Variants in SLC7A1 observed in about 807,000 individuals in gnomAD.
SLC7A1 encodes solute carrier family 7 member 1, also known as high affinity cationic amino acid transporter 1.
SLC7A1 carries 10 observed loss-of-function variants against 53.9 expected under a neutral mutation model. The ratio of observed to expected loss-of-function variants is 0.19; its 90% CI spans 0.11 to 0.31. The LOEUF (loss-of-function observed/expected upper bound fraction) is 0.31, where lower values mean the gene tolerates loss of function less well. Among genes scored for constraint, SLC7A1 ranks in the 10% least tolerant of loss-of-function variants. SLC7A1 has a pLI of 1.00. For missense variants in SLC7A1, 525 were observed against 827.2 expected (o/e 0.63, Z 4.48); for synonymous variants, 342 against 338.7 (o/e 1.01, Z -0.11).
Position 29,514,464 on chromosome 13 carries a change from G to C in SLC7A1, c.*16C>G. 3 of 1,597,350 alleles carry C rather than the reference G, an allele frequency of 1.9e-6. No homozygotes were observed. Among genetic ancestry groups the C allele is most frequent in the Non-Finnish European group, 2.6e-6 (3 of 1,172,400 alleles). On this transcript the variant is annotated 3_prime_UTR_variant, in exon 13 of 13. Transcript: ENST00000380752. The stretch of plus-strand genomic sequence containing the variant: ...CCCTCGGGGCTGCTGCCACCTCCGG[G>C]GGGCGGGGCTGTGCGTCACTTGCAC...
chr13:29,581,345 G>C (rs1871636511), intron 1 of SLC7A1, among the ~76,000 whole-genome samples: 2 of 152,196 alleles, frequency 1.3e-5, no homozygotes, highest in Non-Finnish European at 1.5e-5. Flanking sequence ...CATCTACTTT[G>C]CTCTCTTCTT....
chr13:29,595,569 G>C lies in SLC7A1; in HGVS notation c.-268C>G, dbSNP rs1209018781. The C allele has an allele frequency of 6.6e-6, 1 of 150,760 alleles. No individual in the cohort carries two copies. The highest frequency in any genetic ancestry group is 1.5e-5 in the Non-Finnish European group (1 of 67,726). 9.3% of individuals were successfully genotyped at this position (150,760 alleles called of 1,614,324 possible). On this transcript the variant is annotated 5_prime_UTR_variant, in exon 1 of 13. Transcript: ENST00000380752. ...GAGAGGAGTGGAGGCTGCGGTTAGCGGGAGCCCGCGGCCGCGTGCGCGCCT... is the reference window on the plus strand; with the variant it reads ...GAGAGGAGTGGAGGCTGCGGTTAGCCGGAGCCCGCGGCCGCGTGCGCGCCT...
At chr13:29,532,321 A>T (rs1202869558) in intron 4 of SLC7A1, among the ~76,000 whole-genome samples, 1 of 152,206 alleles carries the variant, frequency 6.6e-6, no homozygotes, top group African/African-American at 2.4e-5. Context: ...CAACTCTGTC[A>T]TGAAACTTAT....
At chr13:29,571,070 G>A (rs1871170538) in intron 1 of SLC7A1, among the ~76,000 whole-genome samples, 2 of 152,180 alleles carry the variant, frequency 1.3e-5, no homozygotes, top group African/African-American at 2.4e-5. Context: ...GTGCTGTGAA[G>A]ATTAAGTACC....
intron 1 of SLC7A1, among the ~76,000 whole-genome samples, chr13:29,581,545 C>T (rs2139183403): frequency 6.6e-6 from 1 of 152,314 alleles, no homozygotes; most frequent in South Asian, 2.1e-4. Context: ...TTTAAAGAAC[C>T]AAATATAAGT....
chr13:29,560,188 C>T (rs1218604426), intron 1 of SLC7A1, among the ~76,000 whole-genome samples: 1 of 151,674 alleles, frequency 6.6e-6, no homozygotes, highest in Non-Finnish European at 1.5e-5. Flanking sequence ...TGCAGACAAA[C>T]ACATTAGCCT....
chr13:29,533,248 G>A (rs747907361), intron 3 of SLC7A1, among the ~76,000 whole-genome samples: 1 of 149,938 alleles, frequency 6.7e-6, no homozygotes, highest in Admixed American at 6.6e-5. Flanking sequence ...ATATATATCC[G>A]AATAAAAAGT....
chr13:29,539,255 C>A (rs1040667895), intron 2 of SLC7A1, among the ~76,000 whole-genome samples: 1 of 152,138 alleles, frequency 6.6e-6, no homozygotes, highest in Non-Finnish European at 1.5e-5. Context: ...TGGCAAGGAG[C>A]GCACCAGAGC....
intron 4 of SLC7A1, among the ~76,000 whole-genome samples, chr13:29,531,844 T>C (rs1013150234): frequency 3.3e-5 from 5 of 151,918 alleles, no homozygotes; most frequent in Admixed American, 6.6e-5. Flanking sequence ...AAATATAAAA[T>C]AAAATAAAAT....
intron 2 of SLC7A1, among the ~76,000 whole-genome samples, chr13:29,542,693 A>AG (rs1376119841): frequency 6.6e-6 from 1 of 151,576 alleles, no homozygotes; most frequent in Non-Finnish European, 1.5e-5. Flanking sequence ...AAAAAAAAAA[A>AG]AAGACTAAAT....
intron 1 of SLC7A1, among the ~76,000 whole-genome samples, chr13:29,560,571 A>G (rs1870709779): frequency 6.6e-6 from 1 of 152,010 alleles, no homozygotes; most frequent in Non-Finnish European, 1.5e-5. Flanking sequence ...TTTATTATCA[A>G]GGATTATGTA....
intron 1 of SLC7A1, among the ~76,000 whole-genome samples, chr13:29,594,979 T>C (rs1221343839): frequency 4.6e-5 from 7 of 151,154 alleles, no homozygotes; most frequent in Non-Finnish European, 8.9e-5. Flanking sequence ...CACCGCGCCA[T>C]GTAAGGGAAG....
At chr13:29,555,828 G>GT (rs1437315247) in intron 1 of SLC7A1, among the ~76,000 whole-genome samples, 1 of 152,126 alleles carries the variant, frequency 6.6e-6, no homozygotes, top group African/African-American at 2.4e-5. Context: ...GATGACACTG[G>GT]GGGTGATGTT....
At chr13:29,564,345 T>A (rs1239913160) in intron 1 of SLC7A1, among the ~76,000 whole-genome samples, 1 of 152,206 alleles carries the variant, frequency 6.6e-6, no homozygotes, top group African/African-American at 2.4e-5. Flanking sequence ...CACTTCTTCT[T>A]AAATGAGTAT....
At chr13:29,529,538 C>T (rs1441540107) in intron 5 of SLC7A1, among the ~76,000 whole-genome samples, 1 of 152,202 alleles carries the variant, frequency 6.6e-6, no homozygotes, top group Non-Finnish European at 1.5e-5. Context: ...GGGTCATGCT[C>T]GTGCCTACAG....
At chr13:29,572,495 G>C in intron 1 of SLC7A1, among the ~76,000 whole-genome samples, 1 of 152,178 alleles carries the variant, frequency 6.6e-6, no homozygotes, top group Non-Finnish European at 1.5e-5. Flanking sequence ...CGTGGGACTA[G>C]AACGAAAAGC....
intron 1 of SLC7A1, among the ~76,000 whole-genome samples, chr13:29,556,944 G>T (rs575216256): frequency 5.9e-5 from 9 of 152,334 alleles, no homozygotes; most frequent in South Asian, 4.1e-4. Context: ...TCCTGTCGTG[G>T]TATAAAAGCA....
intron 1 of SLC7A1, among the ~76,000 whole-genome samples, chr13:29,574,312 G>C (rs916601379): frequency 1.3e-5 from 2 of 152,224 alleles, no homozygotes; most frequent in Non-Finnish European, 2.9e-5. Flanking sequence ...GCAACTTCCA[G>C]AAAGGCCTAC....
At chr13:29,573,203 C>T (rs1871271786) in intron 1 of SLC7A1, among the ~76,000 whole-genome samples, 1 of 152,062 alleles carries the variant, frequency 6.6e-6, no homozygotes, top group African/African-American at 2.4e-5. Flanking sequence ...TCCTAAATGA[C>T]AGTCAAAATA....
Sources: gnomAD v4.1 joint callset for allele counts (sites outside exome capture counted in the v4.1 genomes callset) on GRCh38, gnomAD v4.1.1 for gene constraint, MANE v1.5 for transcripts, NCBI Gene and HGNC (gene_info 2026-07-23, HGNC 2026-07-21) for gene names.